Variants in SLC35F3 observed in about 807,000 individuals in gnomAD.
The protein encoded by SLC35F3 is solute carrier family 35 member F3.
In SLC35F3, 25 loss-of-function variants were observed where a neutral mutation model predicts 49.9. The observed-to-expected ratio is 0.50, with a 90% CI of 0.37 to 0.70. SLC35F3 has a LOEUF of 0.70. Ranked by LOEUF, SLC35F3 falls within the 30% of genes least tolerant of loss-of-function variation. The pLI is 0.00. For missense variants in SLC35F3, 525 were observed against 639.8 expected, an observed-to-expected ratio of 0.82 and a Z score of 1.94; for synonymous variants, 275 against 265.4, an observed-to-expected ratio of 1.04 and a Z score of -0.35.
At chr1:233,980,498 G>T (rs1206408025) in intron 2 of SLC35F3, among the ~76,000 whole-genome samples, 1 of 152,168 alleles carries the variant, frequency 6.6e-6, no homozygotes, top group Admixed American at 6.5e-5. Flanking sequence ...TGACTCCCCC[G>T]TGTTGAGCAT....
At chr1:233,905,394 C>G in intron 1 of SLC35F3, 135 bp from the exon 2 acceptor site, 1 of 749,240 alleles carries the variant, frequency 1.3e-6, no homozygotes, top group Non-Finnish European at 2.1e-6. Flanking sequence ...AGCGCGGGCT[C>G]TGCCGCGGCG....
intron 2 of SLC35F3, among the ~76,000 whole-genome samples, chr1:234,095,095 AT>A (rs1441339428): frequency 2.6e-5 from 4 of 152,206 alleles, no homozygotes; most frequent in African/African-American, 9.6e-5. Context: ...GGTTCTGCCT[AT>A]TTTTGGTTGC....
chr1:234,060,890 G>C (rs1477386442), intron 2 of SLC35F3, among the ~76,000 whole-genome samples: 2 of 152,090 alleles, frequency 1.3e-5, no homozygotes, highest in African/African-American at 4.8e-5. Flanking sequence ...TTCATCTTGT[G>C]CTGTTACTGG....
At position 233,938,659 on chromosome 1, in the gene SLC35F3, G is replaced by A. The variant is rs1395417601; in HGVS notation, c.283+32901G>A. On this transcript the variant is annotated intron_variant, in intron 2 of 7. Coordinates refer to ENST00000366618, the MANE Select transcript of SLC35F3 (RefSeq NM_173508.4). Reference sequence around the variant, plus strand: ...ATGGATGGATGGATGGAAGGATGGAGGGATGGATTGGTGGGTGGATGGATG... The same window carrying A: ...ATGGATGGATGGATGGAAGGATGGAAGGATGGATTGGTGGGTGGATGGATG... Among the ~76,000 whole-genome samples the A allele has an allele frequency of 2.1e-5, 3 of 145,208 alleles. No homozygotes were observed. In the East Asian group the frequency reaches 6.2e-4, roughly 30 times the overall value.
At chr1:234,066,845 C>T (rs1288535498) in intron 2 of SLC35F3, among the ~76,000 whole-genome samples, 1 of 146,836 alleles carries the variant, frequency 6.8e-6, no homozygotes, top group African/African-American at 2.5e-5. Context: ...CACACACACA[C>T]ACACACACAC....
chr1:234,163,594 T>G (rs77148122), intron 2 of SLC35F3, among the ~76,000 whole-genome samples: 4,437 of 152,322 alleles, frequency 0.029, 217 homozygotes, highest in African/African-American at 0.1. Context: ...AACTGCAGAC[T>G]GGGGCTGCTA....
intron 2 of SLC35F3, among the ~76,000 whole-genome samples, chr1:233,978,177 G>A (rs755134996): frequency 6.6e-6 from 1 of 152,112 alleles, no homozygotes; most frequent in Non-Finnish European, 1.5e-5. Context: ...GAAAAAAAAA[G>A]GTAGTAAAGG....
chr1:233,970,667 G>T (rs1384441933), intron 2 of SLC35F3, among the ~76,000 whole-genome samples: 1 of 152,142 alleles, frequency 6.6e-6, no homozygotes, highest in Non-Finnish European at 1.5e-5. Flanking sequence ...CAATCCAATA[G>T]GCCTTGTGTC....
At chr1:234,174,169 C>T (rs112016034) in intron 2 of SLC35F3, among the ~76,000 whole-genome samples, 1 of 152,206 alleles carries the variant, frequency 6.6e-6, no homozygotes, top group African/African-American at 2.4e-5. Flanking sequence ...CTGGCTTTGC[C>T]ACTTCATGGC....
chr1:234,267,668 T>C (rs1558091674), intron 3 of SLC35F3, among the ~76,000 whole-genome samples: 2 of 147,990 alleles, frequency 1.4e-5, no homozygotes, highest in Non-Finnish European at 3.0e-5. Flanking sequence ...ACGGGGCGGC[T>C]GCCGGGCGGA....
chr1:234,120,452 C>T (rs1665553270), intron 2 of SLC35F3, among the ~76,000 whole-genome samples: 1 of 152,010 alleles, frequency 6.6e-6, no homozygotes, highest in Non-Finnish European at 1.5e-5. Flanking sequence ...ACATTTGAAT[C>T]CTTTGAGAAC....
intron 2 of SLC35F3, among the ~76,000 whole-genome samples, chr1:233,975,716 C>A (rs943537058): frequency 2.6e-5 from 4 of 152,120 alleles, no homozygotes; most frequent in Non-Finnish European, 5.9e-5. Flanking sequence ...CTGCCCAGGG[C>A]GACATGCGTC....
At position 234,090,959 on chromosome 1, in the gene SLC35F3, A is replaced by G. The variant is rs190795276; in HGVS notation, c.284-140458A>G. ...CCTCCGTTTCAACACGGGGAGGAAC[A>G]TATTTTCTTCAAGGGTTCCTGACAC... On this transcript the variant is annotated intron_variant, in intron 2 of 7. Transcript: ENST00000366618. Among the ~76,000 whole-genome samples the G allele has an allele frequency of 3.3e-3, 508 of 152,336 alleles. 4 individuals are homozygous for G. Among genetic ancestry groups the G allele is most frequent in the African/African-American group, 0.011 (446 of 41,578 alleles).
At chr1:233,993,454 A>G (rs1009246866) in intron 2 of SLC35F3, among the ~76,000 whole-genome samples, 1 of 152,222 alleles carries the variant, frequency 6.6e-6, no homozygotes, top group Non-Finnish European at 1.5e-5. Context: ...AGCTTTCTTT[A>G]TGATAGATTC....
At chr1:234,310,642 A>G (rs895681903) in intron 4 of SLC35F3, among the ~76,000 whole-genome samples, 7 of 152,040 alleles carry the variant, frequency 4.6e-5, no homozygotes, top group African/African-American at 1.7e-4. Flanking sequence ...CCTGCCACCC[A>G]CCCATGTCCT....
chr1:234,316,721 C>G lies in SLC35F3; in HGVS notation c.948C>G (p.Leu316=). ...LVVASASMSA[L]YKVLFKLLLG... is the part of the protein sequence containing the mutation. ...TGGCCTCAGCATCGATGTCTGCCCT[C>G]TACAAGGTACGCCCGGGGAGTGAAC... Residue 316 remains leucine, a synonymous_variant, in exon 5 of 8, where the codon CTC becomes CTG. Coordinates refer to ENST00000366618, the MANE Select transcript of SLC35F3 (RefSeq NM_173508.4). 1.9e-6 allele frequency: 3 copies of G among 1,606,762 alleles called. No homozygotes were observed. The highest frequency in any genetic ancestry group is 2.2e-5 in the East Asian group (1 of 44,596).
chr1:234,082,721 T>C (rs1292323188), intron 2 of SLC35F3, among the ~76,000 whole-genome samples: 2 of 152,328 alleles, frequency 1.3e-5, no homozygotes, highest in Non-Finnish European at 2.9e-5. Context: ...CTCACAATCA[T>C]GGCAGCAGGC....
intron 2 of SLC35F3, among the ~76,000 whole-genome samples, chr1:234,108,451 ATAT>A (rs1382949298): frequency 2.6e-5 from 3 of 115,624 alleles, no homozygotes; most frequent in African/African-American, 3.5e-5. Context: ...TAAAAGATAT[ATAT>A]TATTTATATA....
At chr1:234,241,357 A>T (rs1667550514) in intron 3 of SLC35F3, among the ~76,000 whole-genome samples, 1 of 152,178 alleles carries the variant, frequency 6.6e-6, no homozygotes, top group Non-Finnish European at 1.5e-5. Flanking sequence ...GGCTTGTTCC[A>T]GTTCTCAGAT....
Sources: gnomAD v4.1 joint callset for allele counts (sites outside exome capture counted in the v4.1 genomes callset) on GRCh38, gnomAD v4.1.1 for gene constraint, MANE v1.5 for transcripts, NCBI Gene and HGNC (gene_info 2026-07-23, HGNC 2026-07-21) for gene names.